GINS1: variants seen among roughly 807,000 people sequenced by gnomAD.
The protein encoded by GINS1 is DNA replication complex GINS protein PSF1.
Under a neutral mutation model 34.9 loss-of-function variants are expected in GINS1, and 26 were observed. The observed-to-expected ratio is 0.74, with a 90% CI of 0.55 to 1.03. GINS1 has a LOEUF of 1.03. GINS1 is among the 50% of genes least tolerant of loss of function. GINS1 has a pLI of 0.00. For missense variants in GINS1, 235 were observed against 237.9 expected, an observed-to-expected ratio of 0.99 and a Z score of 0.08; for synonymous variants, 97 against 84.4, an observed-to-expected ratio of 1.15 and a Z score of -0.82.
rs573780748 is a variant in GINS1 at position 25,407,711 on chromosome 20, G to A, written c.-110G>A. On this transcript the variant is annotated 5_prime_UTR_variant, in exon 1 of 7. Transcript: ENST00000262460. ...GCGCGGAGCGGAGGCCGAGGCGAGA[G>A]CCTGGCGCTGTAGGACTAGAACGAA... 18 of 850,514 alleles carry A rather than the reference G, an allele frequency of 2.1e-5. No individual in the cohort carries two copies. The highest frequency in any genetic ancestry group is 4.4e-5 in the South Asian group (3 of 67,646). The allele number at this position is 850,514 out of a possible 1,614,324, so 52.7% of individuals were successfully genotyped here. A position where few individuals can be genotyped will look rare whatever the true frequency, so the allele number is the denominator to read the frequency against.
In GINS1 at chr20:25,445,942, A is replaced by T; in HGVS notation, c.542A>T (p.Lys181Ile). The T allele has an allele frequency of 6.2e-7, 1 of 1,610,040 alleles. No individual in the cohort carries two copies. The highest frequency in any genetic ancestry group is 8.5e-7 in the Non-Finnish European group (1 of 1,176,516). ...CCTCAGCACTTTTTACCTCGATGGA[A>T]ATGTGAGCAGCTGATCAGACAAGGA... The part of the protein sequence containing the change: ...KNSQHFLPRW[K>I]CEQLIRQGVL... Residue 181 changes from lysine (K) to isoleucine (I), a missense_variant, in exon 7 of 7, where the codon AAA becomes ATA. Coordinates refer to ENST00000262460, the MANE Select transcript of GINS1 (RefSeq NM_021067.5).
At position 25,418,237 on chromosome 20, in the gene GINS1, A is replaced by G. The variant is rs767509629; in HGVS notation, c.330+42A>G. The G allele has an allele frequency of 4.5e-6, 5 of 1,109,584 alleles. 1 individual carries two copies. In the South Asian group the frequency reaches 4.9e-5, roughly 11 times the overall value. The allele number at this position is 1,109,584 out of a possible 1,614,324, so 68.7% of individuals were successfully genotyped here. On this transcript the variant is annotated intron_variant, in intron 4 of 6. Transcript: ENST00000262460. ...CAAGTTTATAAATTTTGAAAATGCT[A>G]AAGTTCTGGCATTGTTCTATAATAG... is the stretch of plus-strand genomic sequence containing the variant.
intron 5 of GINS1, among the ~76,000 whole-genome samples, chr20:25,427,090 A>G (rs1053946002): frequency 1.3e-5 from 2 of 152,138 alleles, no homozygotes; most frequent in African/African-American, 4.8e-5. Context: ...CACAGCAGCC[A>G]TACCATTTTA....
In GINS1 at chr20:25,407,831, A is replaced by C; in HGVS notation, c.11A>C (p.Glu4Ala). MFC[E>A]KAMELIRELH... is the part of the protein sequence containing the mutation. ...TGGGAAGCGTCCGCCATGTTCTGCG[A>C]AAAAGCCATGGAACTGATCCGCGAG... Residue 4 changes from glutamate (E) to alanine (A), a missense_variant, in exon 1 of 7, where the codon GAA becomes GCA. Glu to Ala is a moderately radical substitution (Grantham distance 107, BLOSUM62 -1). Transcript: ENST00000262460. 1 of 1,613,868 alleles carries C rather than the reference A, an allele frequency of 6.2e-7. No homozygotes were observed. Among genetic ancestry groups the C allele is most frequent in the Non-Finnish European group, 8.5e-7 (1 of 1,179,804 alleles).
intron 5 of GINS1, among the ~76,000 whole-genome samples, chr20:25,435,114 T>C (rs2090447149): frequency 6.6e-6 from 1 of 152,188 alleles, no homozygotes; most frequent in Non-Finnish European, 1.5e-5. Flanking sequence ...TTTCTTCACA[T>C]GGGTTCAAGT....
At chr20:25,419,708 G>T (rs1056639566) in intron 4 of GINS1, 6 of 408,582 alleles carry the variant, frequency 1.5e-5, no homozygotes. Context: ...TGTTGCCCAG[G>T]CTGGAGTACA....
In GINS1 at chr20:25,415,706, G is replaced by C. The variant is rs1005774838; in HGVS notation, c.141-1398G>C. Among the ~76,000 whole-genome samples, 14 of 141,006 alleles carry C rather than the reference G, an allele frequency of 9.9e-5. No homozygotes were observed. In the East Asian group the frequency reaches 2.9e-3, roughly 29 times the overall value. The allele number at this position is 141,006 out of a possible 152,430, so 92.5% of individuals were successfully genotyped here. Reference sequence around the variant, plus strand: ...ATCTCAAAAAAAAAAAAAAAAAAAAGATGCCTGTCCCTGGCGCTCACTGTC... The same window carrying C: ...ATCTCAAAAAAAAAAAAAAAAAAAACATGCCTGTCCCTGGCGCTCACTGTC... On this transcript the variant is annotated intron_variant, in intron 2 of 6. Coordinates refer to ENST00000262460, the MANE Select transcript of GINS1 (RefSeq NM_021067.5).
intron 4 of GINS1, chr20:25,419,710 TG>T: frequency 2.6e-6 from 1 of 381,658 alleles, no homozygotes; most frequent in Non-Finnish European, 4.7e-6. Context: ...TTGCCCAGGC[TG>T]GAGTACAGTG....
intron 4 of GINS1, among the ~76,000 whole-genome samples, chr20:25,423,492 G>A (rs4813568): frequency 3.2e-5 from 2 of 61,952 alleles, no homozygotes; most frequent in Admixed American, 2.5e-4. Flanking sequence ...TTTTTGAGAC[G>A]GCATCTCACT....
intron 4 of GINS1, chr20:25,419,604 T>C (rs6050599): frequency 0.5 from 373,790 of 749,060 alleles, 96,248 homozygotes; most frequent in Admixed American, 0.63. Flanking sequence ...GAACAGAACA[T>C]TATGTTTCTC....
chr20:25,415,639 C>T (rs1364337709), intron 2 of GINS1, among the ~76,000 whole-genome samples: 6 of 147,482 alleles, frequency 4.1e-5, no homozygotes, highest in African/African-American at 1.3e-4. Context: ...GAGTCGAGAT[C>T]GCGTCATTGC....
At position 25,407,685 on chromosome 20, in the gene GINS1, A is replaced by G; in HGVS notation, c.-136A>G. On this transcript the variant is annotated 5_prime_UTR_variant, in exon 1 of 7. Coordinates refer to ENST00000262460, the MANE Select transcript of GINS1 (RefSeq NM_021067.5). ...ATTGGCTAGCTTTGTTCGGCGCCAA[A>G]GCGCGGAGCGGAGGCCGAGGCGAGA... 1.4e-6 allele frequency: 1 copy of G among 713,458 alleles called. No individual in the cohort carries two copies. The highest frequency in any genetic ancestry group is 2.4e-6 in the Non-Finnish European group (1 of 412,012). 44.2% of individuals were successfully genotyped at this position (713,458 alleles called of 1,614,324 possible).
intron 1 of GINS1, among the ~76,000 whole-genome samples, chr20:25,412,533 C>CGACAGTGTG (rs1316556301): frequency 2.0e-5 from 3 of 151,916 alleles, no homozygotes; most frequent in African/African-American, 7.3e-5. Flanking sequence ...CCAGCCCAGG[C>CGACAGTGTG]GACAGTGTGA....
chr20:25,417,623 A>G (rs1341632916), intron 3 of GINS1, among the ~76,000 whole-genome samples: 1 of 152,144 alleles, frequency 6.6e-6, no homozygotes, highest in Non-Finnish European at 1.5e-5. Flanking sequence ...TTGGAGGCCA[A>G]GGCGGGTGGA....
chr20:25,410,938 T>C (rs1175817425), intron 1 of GINS1, among the ~76,000 whole-genome samples: 2 of 152,174 alleles, frequency 1.3e-5, no homozygotes, highest in Non-Finnish European at 2.9e-5. Flanking sequence ...GATTACACCC[T>C]TTCTATATGC....
At chr20:25,429,939 G>C (rs1692671627) in intron 5 of GINS1, among the ~76,000 whole-genome samples, 1 of 152,190 alleles carries the variant, frequency 6.6e-6, no homozygotes, top group Non-Finnish European at 1.5e-5. Context: ...TTGAGACAGA[G>C]TCTTGCTCTG....
chr20:25,419,731 C>G (rs117000909), intron 4 of GINS1: 3,739 of 286,354 alleles, frequency 0.013, 29 homozygotes, highest in Non-Finnish European at 0.019. Context: ...GGTGCATTCT[C>G]TGCTCACTGC....
At chr20:25,421,806 A>T (rs900864921) in intron 4 of GINS1, among the ~76,000 whole-genome samples, 1 of 152,114 alleles carries the variant, frequency 6.6e-6, no homozygotes, top group Admixed American at 6.6e-5. Context: ...TTGTCAAAAC[A>T]GCTTCTGATT....
intron 2 of GINS1, among the ~76,000 whole-genome samples, chr20:25,414,637 C>T (rs2090308942): frequency 6.6e-6 from 1 of 152,020 alleles, no homozygotes; most frequent in African/African-American, 2.4e-5. Flanking sequence ...GGGTTTGAGG[C>T]TGCAGTGAGC....
Sources: gnomAD v4.1 joint callset for allele counts (sites outside exome capture counted in the v4.1 genomes callset) on GRCh38, gnomAD v4.1.1 for gene constraint, MANE v1.5 for transcripts, NCBI Gene and HGNC (gene_info 2026-07-23, HGNC 2026-07-21) for gene names.